MTR: variants seen among roughly 807,000 people sequenced by gnomAD.
MTR encodes 5-methyltetrahydrofolate-homocysteine methyltransferase.
MTR carries 84 observed loss-of-function variants against 154.8 expected under a neutral mutation model. The ratio of observed to expected loss-of-function variants is 0.54; its 90% CI spans 0.45 to 0.65. The LOEUF (loss-of-function observed/expected upper bound fraction) is 0.65, where lower values mean the gene tolerates loss of function less well. Ranked by LOEUF, MTR falls within the 30% of genes least tolerant of loss-of-function variation. MTR has a pLI of 0.00. For synonymous variants in MTR, 554 were observed against 553.9 expected, an observed-to-expected ratio of 1.00 and a Z score of 0.00; for missense variants, 1,275 against 1,570.2, an observed-to-expected ratio of 0.81 and a Z score of 3.18.
chr1:236,804,907 A>G (rs1456341730), intron 2 of MTR, among the ~76,000 whole-genome samples: 3 of 151,600 alleles, frequency 2.0e-5, no homozygotes, highest in Non-Finnish European at 4.4e-5. Context: ...TTTACGTATC[A>G]TTCTATTTTT....
chr1:236,812,796 G>A lies in MTR; in HGVS notation c.561G>A (p.Gly187=), dbSNP rs760616947. 6.2e-7 allele frequency: 1 copy of A among 1,614,132 alleles called. No homozygotes were observed. Among genetic ancestry groups the A allele is most frequent in the South Asian group, 1.1e-5 (1 of 91,078 alleles). ...QEQAKGLLDG[G]VDILLIETIF... is the part of the protein sequence containing the mutation. ...AGGCCAAAGGACTTCTGGATGGCGG[G>A]GTTGATATCTTACTCATTGAAACTA... The change falls in exon 6 of 33, where the codon GGG becomes GGA. Residue 187 remains glycine, a synonymous_variant. Transcript: ENST00000366577.
chr1:236,895,461 G>A lies in MTR; in HGVS notation c.3509G>A (p.Gly1170Asp). The A allele has an allele frequency of 6.3e-7, 1 of 1,598,434 alleles. No individual in the cohort carries two copies. The highest frequency in any genetic ancestry group is 8.5e-7 in the Non-Finnish European group (1 of 1,172,110). ...VADLRRLRYK[G>D]IRPAPGYPSQ... The stretch of plus-strand genomic sequence containing the variant: ...GACCTGCGCAGGCTGCGGTACAAGG[G>A]CATCCGCCCGGCTCCTGGCTACCCC... Residue 1170 changes from glycine to aspartate, a missense_variant, in exon 31 of 33, where the codon GGC (glycine) becomes GAC (aspartate). Gly to Asp is a moderately conservative substitution (Grantham distance 94, BLOSUM62 -1). Transcript: ENST00000366577.
chr1:236,863,737 A>G (rs957251906), intron 22 of MTR, among the ~76,000 whole-genome samples, 183 bp downstream of exon 22: 1 of 152,190 alleles, frequency 6.6e-6, no homozygotes, highest in Admixed American at 6.5e-5. Context: ...TTCAAATGAA[A>G]TAAGTTAGTA....
intron 28 of MTR, among the ~76,000 whole-genome samples, chr1:236,889,876 G>C (rs1666220572): frequency 6.6e-6 from 1 of 152,316 alleles, no homozygotes; most frequent in African/African-American, 2.4e-5. Context: ...TTGGGGAACT[G>C]CAAGGAGCCC....
chr1:236,890,360 A>T (rs1237294500), intron 28 of MTR, among the ~76,000 whole-genome samples: 1 of 152,172 alleles, frequency 6.6e-6, no homozygotes, highest in Non-Finnish European at 1.5e-5. Context: ...GCTGGCTCCC[A>T]CTGCAGGTCC....
At position 236,810,613 on chromosome 1, in the gene MTR, A is replaced by G. The variant is rs759118437; in HGVS notation, c.502+18A>G. 4 of 1,594,690 alleles carry G rather than the reference A, an allele frequency of 2.5e-6. No homozygotes were observed. Among genetic ancestry groups the G allele is most frequent in the South Asian group, 1.1e-5 (1 of 90,708 alleles). On this transcript the variant is annotated intron_variant, in intron 5 of 32. Coordinates refer to ENST00000366577, the MANE Select transcript of MTR (RefSeq NM_000254.3). Reference sequence around the variant, plus strand: ...GAACATCAGTGAGTATTTACCACATATAATCATTGATCTTGGGGAAGTACT... The same window carrying G: ...GAACATCAGTGAGTATTTACCACATGTAATCATTGATCTTGGGGAAGTACT...
At chr1:236,811,482 A>T (rs926431105) in intron 5 of MTR, among the ~76,000 whole-genome samples, 1 of 152,256 alleles carries the variant, frequency 6.6e-6, no homozygotes, top group Non-Finnish European at 1.5e-5. Flanking sequence ...CTGAATAGTC[A>T]TGATACCATG....
chr1:236,874,978 A>G (rs1665351230), intron 24 of MTR, 132 bp downstream of exon 24: 7 of 1,069,214 alleles, frequency 6.5e-6, no homozygotes, highest in Non-Finnish European at 9.6e-6. Context: ...ATATAAACAC[A>G]AACATTTTCT....
In MTR at chr1:236,894,997, C is replaced by G. The variant is rs1242032829; in HGVS notation, c.3406-361C>G. ...AGCCTTTGCCCTGGGGAGAGCCTCT[C>G]CCTTTTCCTGCAGTGAACAGTGGAG... On this transcript the variant is annotated intron_variant, in intron 30 of 32. Coordinates refer to ENST00000366577, the MANE Select transcript of MTR (RefSeq NM_000254.3). 8 of 371,702 alleles carry G rather than the reference C, an allele frequency of 2.2e-5. No individual in the cohort carries two copies. In the East Asian group the frequency reaches 5.0e-4, roughly 23 times the overall value. The allele number at this position is 371,702 out of a possible 1,614,324, so 23.0% of individuals were successfully genotyped here.
At chr1:236,852,363 GCTTTGGT>G (rs1421038353) in intron 16 of MTR, among the ~76,000 whole-genome samples, 151 bp from the exon 17 acceptor site, 2 of 152,048 alleles carry the variant, frequency 1.3e-5, no homozygotes, top group African/African-American at 4.8e-5. Context: ...AATACGGCAA[GCTTTGGT>G]CTATGTCTAG....
At chr1:236,809,202 T>C (rs142202171) in intron 4 of MTR, among the ~76,000 whole-genome samples, 232 of 152,352 alleles carry the variant, frequency 1.5e-3, no homozygotes, top group African/African-American at 5.4e-3. Flanking sequence ...TTGGCTGATA[T>C]AGGTAAAGAT....
At chr1:236,865,909 GA>G (rs1664798098) in intron 22 of MTR, among the ~76,000 whole-genome samples, 1 of 151,758 alleles carries the variant, frequency 6.6e-6, no homozygotes, top group South Asian at 2.1e-4. Context: ...TTTTATAGAT[GA>G]GAAAACTTAG....
rs754512965 is a variant in MTR at position 236,795,422 on chromosome 1, G to A, written c.-282G>A. ...CCCGCGACTCCGCCTCTGGCCGCGCGTGTCTGGCTGCTAGGCCGACACCAA... is the reference window on the plus strand; with the variant it reads ...CCCGCGACTCCGCCTCTGGCCGCGCATGTCTGGCTGCTAGGCCGACACCAA... On this transcript the variant is annotated 5_prime_UTR_variant, in exon 1 of 33. In the 5' UTR this introduces an upstream ATG that the reference lacks. Coordinates refer to ENST00000366577, the MANE Select transcript of MTR (RefSeq NM_000254.3). The A allele has an allele frequency of 2.4e-5, 35 of 1,468,638 alleles. No homozygotes were observed. The highest frequency in any genetic ancestry group is 2.9e-5 in the Non-Finnish European group (32 of 1,103,466). 91.0% of individuals were successfully genotyped at this position (1,468,638 alleles called of 1,614,324 possible). A position where few individuals can be genotyped will look rare whatever the true frequency, so the allele number is the denominator to read the frequency against.
intron 20 of MTR, among the ~76,000 whole-genome samples, 173 bp downstream of exon 20, chr1:236,861,450 C>G (rs972050928): frequency 2.6e-5 from 4 of 152,170 alleles, no homozygotes; most frequent in African/African-American, 9.6e-5. Context: ...AATCCGTCTT[C>G]AGAGTGGTGT....
chr1:236,798,663 C>T (rs1660539190), intron 1 of MTR, among the ~76,000 whole-genome samples: 1 of 152,168 alleles, frequency 6.6e-6, no homozygotes, highest in African/African-American at 2.4e-5. Context: ...TATAACTAGT[C>T]AGCTAAGTAA....
intron 13 of MTR, 61 bp downstream of exon 13, chr1:236,832,139 A>G: frequency 7.9e-7 from 1 of 1,267,134 alleles, no homozygotes; most frequent in Non-Finnish European, 1.2e-6. Context: ...ACAGCATGTA[A>G]ATGAAACAGC....
At chr1:236,797,410 A>G (rs1313890983) in intron 1 of MTR, among the ~76,000 whole-genome samples, 2 of 152,144 alleles carry the variant, frequency 1.3e-5, no homozygotes, top group Admixed American at 6.5e-5. Context: ...ACATCTTGGG[A>G]GAAAATTTTA....
At chr1:236,811,357 T>TA (rs1279153187) in intron 5 of MTR, among the ~76,000 whole-genome samples, 1 of 152,222 alleles carries the variant, frequency 6.6e-6, no homozygotes, top group African/African-American at 2.4e-5. Context: ...TTATACATGT[T>TA]ATAAACTACC....
Position 236,812,828 on chromosome 1 carries a change from A to G in MTR, c.593A>G (p.Asp198Gly). The change falls in exon 6 of 33, where the codon GAT becomes GGT. Residue 198 changes from aspartate to glycine, a missense_variant. Coordinates refer to ENST00000366577, the MANE Select transcript of MTR (RefSeq NM_000254.3). ...VDILLIETIF[D>G]TANAKAALFA... is the part of the protein sequence containing the mutation. ...ATCTTACTCATTGAAACTATTTTTG[A>G]TACTGCCAATGCCAAGGTGAGTTAA... is the stretch of plus-strand genomic sequence containing the variant. The G allele has an allele frequency of 2.5e-6, 4 of 1,613,984 alleles. No individual in the cohort carries two copies. Among genetic ancestry groups the G allele is most frequent in the Non-Finnish European group, 3.4e-6 (4 of 1,179,932 alleles).
Sources: gnomAD v4.1 joint callset for allele counts (sites outside exome capture counted in the v4.1 genomes callset) on GRCh38, gnomAD v4.1.1 for gene constraint, MANE v1.5 for transcripts, NCBI Gene and HGNC (gene_info 2026-07-23, HGNC 2026-07-21) for gene names.